The following RNASEH2B variants were observed in gnomAD, a reference collection of about 807,000 sequenced individuals.
The protein encoded by RNASEH2B is Aicardi-Goutieres syndrome 2 protein.
A neutral mutation model predicts 45.0 loss-of-function variants in RNASEH2B; 36 were observed. The ratio of observed to expected loss-of-function variants is 0.80; its 90% CI spans 0.61 to 1.06. The LOEUF is 1.06. Ranked by LOEUF, RNASEH2B falls within the 50% of genes least tolerant of loss-of-function variation. The pLI, the probability that RNASEH2B is intolerant of heterozygous loss-of-function variation, is 0.00. For missense variants in RNASEH2B, 361 were observed against 360.3 expected (o/e 1.00, Z -0.02); for synonymous variants, 119 against 125.7 (o/e 0.95, Z 0.35).
At chr13:50,930,460 C>T (rs912546450) in intron 3 of RNASEH2B, among the ~76,000 whole-genome samples, 1 of 152,152 alleles carries the variant, frequency 6.6e-6, no homozygotes, top group Non-Finnish European at 1.5e-5. Context: ...TCTTGGTTCT[C>T]CTCTCCACAC....
In RNASEH2B at chr13:50,927,520, G is replaced by A. The variant is rs368186901; in HGVS notation, c.136+42G>A. 1.1e-5 allele frequency: 14 copies of A among 1,237,454 alleles called. No homozygotes were observed. The African/African-American group carries it at 1.9e-4, about 17-fold the overall frequency. 76.7% of individuals were successfully genotyped at this position (1,237,454 alleles called of 1,614,324 possible). On this transcript the variant is annotated intron_variant, in intron 2 of 10. Transcript: ENST00000336617. ...TAACTTGAATGTTCTTAAATGTTGTGGCTAATGAGTATATACACTTTTATG... is the reference window on the plus strand; with the variant it reads ...TAACTTGAATGTTCTTAAATGTTGTAGCTAATGAGTATATACACTTTTATG...
intron 1 of RNASEH2B, 172 bp downstream of exon 1, chr13:50,910,312 C>T: frequency 2.3e-6 from 1 of 431,436 alleles, no homozygotes; most frequent in South Asian, 6.6e-5. Flanking sequence ...TAGCAAGCCG[C>T]GGTTTTCAAA....
At chr13:50,954,215 T>C in intron 10 of RNASEH2B, 3 of 608,636 alleles carry the variant, frequency 4.9e-6, no homozygotes, top group Non-Finnish European at 5.8e-6. Context: ...ATCAAGAGTG[T>C]GCCTAAATTT....
Position 50,956,708 on chromosome 13 carries a change from A to C in RNASEH2B, c.*234A>C. 1 of 1,254,918 alleles carries C rather than the reference A, an allele frequency of 8.0e-7. No homozygotes were observed. Among genetic ancestry groups the C allele is most frequent in the Non-Finnish European group, 1.0e-6 (1 of 987,022 alleles). The allele number at this position is 1,254,918 out of a possible 1,614,324, so 77.7% of individuals were successfully genotyped here. On this transcript the variant is annotated 3_prime_UTR_variant, in exon 11 of 11. Transcript: ENST00000336617. ...TGACATAATGAAAAGTAATCACTTGAAGAGAATTAACATATAGCATCATGA... is the reference window on the plus strand; with the variant it reads ...TGACATAATGAAAAGTAATCACTTGCAGAGAATTAACATATAGCATCATGA...
At chr13:50,910,678 A>T (rs1004837735) in intron 1 of RNASEH2B, 13 of 152,644 alleles carry the variant, frequency 8.5e-5, no homozygotes, top group African/African-American at 2.9e-4. Flanking sequence ...TGATGACCAC[A>T]GGAGTGCTGG....
intron 1 of RNASEH2B, chr13:50,913,086 G>A (rs1007807663): frequency 6.6e-6 from 1 of 152,188 alleles, no homozygotes; most frequent in African/African-American, 2.4e-5. Context: ...TGGGACGTTG[G>A]TTTTCATAGG....
chr13:50,923,763 A>G (rs553186897), intron 1 of RNASEH2B, among the ~76,000 whole-genome samples: 3 of 152,228 alleles, frequency 2.0e-5, no homozygotes, highest in Non-Finnish European at 2.9e-5. Context: ...TAAACACAGA[A>G]ATAAACATAA....
At chr13:50,935,338 C>A in intron 5 of RNASEH2B, 1 of 335,480 alleles carries the variant, frequency 3.0e-6, no homozygotes, top group South Asian at 3.2e-5. Flanking sequence ...TACGTAAAAC[C>A]TGTACCTTAA....
intron 10 of RNASEH2B, 193 bp downstream of exon 10, chr13:50,954,178 TAGTC>T (rs1593480238): frequency 1.6e-6 from 1 of 638,090 alleles, no homozygotes; most frequent in East Asian, 2.7e-5. Flanking sequence ...GACTTATTAT[TAGTC>T]AGAGAAAAAC....
At chr13:50,970,089 C>T (rs1471071147) in exon 10 of RNASEH2B, 8 of 862,198 alleles carry the variant, frequency 9.3e-6, no homozygotes, top group South Asian at 5.8e-5. Context: ...CATTTTAAAG[C>T]GCTGACTGTA....
At chr13:50,922,888 A>G (rs1268489842) in intron 1 of RNASEH2B, among the ~76,000 whole-genome samples, 1 of 152,238 alleles carries the variant, frequency 6.6e-6, no homozygotes, top group Non-Finnish European at 1.5e-5. Flanking sequence ...TTATTCAGCT[A>G]CTATCAACAT....
intron 9 of RNASEH2B, chr13:50,951,810 C>CA (rs1239023685): frequency 6.6e-6 from 1 of 152,112 alleles, no homozygotes; most frequent in Non-Finnish European, 1.5e-5. Context: ...GAATAACATA[C>CA]AAACTAGTTA....
intron 1 of RNASEH2B, among the ~76,000 whole-genome samples, chr13:50,917,778 C>T (rs1315652630): frequency 1.3e-5 from 2 of 152,140 alleles, no homozygotes; most frequent in Non-Finnish European, 2.9e-5. Flanking sequence ...TGGGAGAGGC[C>T]AGAGGACCAG....
chr13:50,921,560 T>G (rs912618908), intron 1 of RNASEH2B, among the ~76,000 whole-genome samples: 1 of 152,322 alleles, frequency 6.6e-6, no homozygotes, highest in South Asian at 2.1e-4. Flanking sequence ...AAATGGAAAA[T>G]CTTTAACTTT....
exon 10 of RNASEH2B, chr13:50,970,090 G>A (rs757499643): frequency 1.5e-5 from 13 of 854,942 alleles, no homozygotes; most frequent in South Asian, 4.4e-5. Flanking sequence ...ATTTTAAAGC[G>A]CTGACTGTAA....
chr13:50,940,285 C>G (rs752736200), intron 5 of RNASEH2B, among the ~76,000 whole-genome samples: 3 of 152,116 alleles, frequency 2.0e-5, no homozygotes, highest in Non-Finnish European at 1.5e-5. Flanking sequence ...ATAAGGGTTC[C>G]AGGGAACTTT....
intron 9 of RNASEH2B, chr13:50,951,635 T>C (rs1201127429): frequency 6.6e-6 from 1 of 152,154 alleles, no homozygotes; most frequent in Admixed American, 6.5e-5. Context: ...TTGTTCTCTT[T>C]CCAGAACTGT....
chr13:50,941,534 G>A (rs928377680), intron 5 of RNASEH2B: 3 of 152,202 alleles, frequency 2.0e-5, no homozygotes, highest in Admixed American at 2.0e-4. Flanking sequence ...CCAGATCAGG[G>A]TAGGATTTTC....
At chr13:50,969,786 C>T in intron 9 of RNASEH2B, 1 of 719,344 alleles carries the variant, frequency 1.4e-6, no homozygotes, top group Non-Finnish European at 2.4e-6. Flanking sequence ...CTGAGGTCAT[C>T]TCTTAGAAGC....
Sources: gnomAD v4.1 joint callset for allele counts (sites outside exome capture counted in the v4.1 genomes callset) on GRCh38, gnomAD v4.1.1 for gene constraint, MANE v1.5 for transcripts, NCBI Gene and HGNC (gene_info 2026-07-23, HGNC 2026-07-21) for gene names.